The following SLC22A24 variants were observed in gnomAD, a reference collection of about 807,000 sequenced individuals.
The protein encoded by SLC22A24 is solute carrier family 22 member 24.
Under a neutral mutation model 49.8 loss-of-function variants are expected in SLC22A24, and 53 were observed. The ratio of observed to expected loss-of-function variants is 1.06; its 90% CI spans 0.85 to 1.34. The LOEUF is 1.34. SLC22A24 is among the 40% of genes most tolerant of loss of function. SLC22A24 has a pLI of 0.00. For synonymous variants in SLC22A24, 302 were observed against 256.4 expected (o/e 1.18, Z -1.70); for missense variants, 786 against 675.9 (o/e 1.16, Z -1.81).
At chr11:63,107,213 G>C (rs2087127503) in intron 4 of SLC22A24, among the ~76,000 whole-genome samples, 1 of 152,100 alleles carries the variant, frequency 6.6e-6, no homozygotes, top group Admixed American at 6.6e-5. Context: ...TCTTGTTTTT[G>C]TCAGGTTTGT....
At chr11:63,087,060 A>AGG (rs1188254533) in intron 6 of SLC22A24, among the ~76,000 whole-genome samples, 62 of 70,480 alleles carry the variant, frequency 8.8e-4, no homozygotes, top group Admixed American at 6.4e-3. Flanking sequence ...ACACACACAG[A>AGG]GGGAGAGAGA....
At chr11:63,139,542 T>C (rs1232695321) in intron 1 of SLC22A24, among the ~76,000 whole-genome samples, 3 of 152,182 alleles carry the variant, frequency 2.0e-5, no homozygotes, top group Non-Finnish European at 4.4e-5. Context: ...TGCTCTTGGC[T>C]ACCTGGAAGA....
intron 1 of SLC22A24, among the ~76,000 whole-genome samples, chr11:63,135,869 C>T (rs879436657): frequency 4.6e-5 from 7 of 152,128 alleles, no homozygotes; most frequent in African/African-American, 7.2e-5. Context: ...GAGACGAGAG[C>T]CTTGAAGATG....
At chr11:63,111,396 A>G (rs1042999090) in intron 4 of SLC22A24, among the ~76,000 whole-genome samples, 22 of 151,432 alleles carry the variant, frequency 1.5e-4, no homozygotes, top group African/African-American at 4.8e-4. Context: ...TTCTTTTTCT[A>G]TTGATTGGAA....
intron 1 of SLC22A24, among the ~76,000 whole-genome samples, chr11:63,142,735 C>T (rs2087423264): frequency 6.6e-6 from 1 of 152,002 alleles, no homozygotes; most frequent in Non-Finnish European, 1.5e-5. Context: ...CTTGTGACCC[C>T]CACTTAGGAA....
intron 2 of SLC22A24, among the ~76,000 whole-genome samples, chr11:63,125,904 A>C (rs550160207): frequency 6.6e-6 from 1 of 152,220 alleles, no homozygotes; most frequent in Non-Finnish European, 1.5e-5. Flanking sequence ...TTCTCTGATG[A>C]CTGGTGATGA....
intron 2 of SLC22A24, among the ~76,000 whole-genome samples, chr11:63,127,912 G>A (rs1430602344): frequency 6.6e-6 from 1 of 151,608 alleles, no homozygotes; most frequent in Non-Finnish European, 1.5e-5. Context: ...CCATTCTGTA[G>A]GTTGCCTGTT....
chr11:63,126,292 G>A (rs2087290385), intron 2 of SLC22A24, among the ~76,000 whole-genome samples: 1 of 152,134 alleles, frequency 6.6e-6, no homozygotes, highest in Non-Finnish European at 1.5e-5. Context: ...ATGGTTTTAG[G>A]TCTTACTTTT....
At chr11:63,094,537 A>T (rs567289240) in intron 6 of SLC22A24, among the ~76,000 whole-genome samples, 1 of 152,222 alleles carries the variant, frequency 6.6e-6, no homozygotes, top group Non-Finnish European at 1.5e-5. Flanking sequence ...CTAGTTCTAG[A>T]TCCCTGAGGA....
intron 4 of SLC22A24, among the ~76,000 whole-genome samples, chr11:63,106,961 T>A (rs1007523117): frequency 2.0e-5 from 3 of 152,218 alleles, no homozygotes; most frequent in African/African-American, 7.2e-5. Context: ...ATTATGGCTT[T>A]TTGTTGCCAT....
chr11:63,119,093 A>G lies in SLC22A24; in HGVS notation c.662-13T>C, dbSNP rs1430118217. On this transcript the variant is annotated splice_polypyrimidine_tract_variant and intron_variant, in intron 3 of 9. Transcript: ENST00000612278. ...GTCCACTCTAAGCCTGGAAGAAAACATATACATAGTAATAATTTTAGACAA... is the reference window on the plus strand; with the variant it reads ...GTCCACTCTAAGCCTGGAAGAAAACGTATACATAGTAATAATTTTAGACAA... The G allele has an allele frequency of 3.9e-6, 6 of 1,538,762 alleles. No individual in the cohort carries two copies. The highest frequency in any genetic ancestry group is 1.4e-5 in the African/African-American group (1 of 72,602).
At chr11:63,081,442 T>C in intron 8 of SLC22A24, 116 bp downstream of exon 8, 1 of 769,322 alleles carries the variant, frequency 1.3e-6, no homozygotes, top group Non-Finnish European at 2.2e-6. Flanking sequence ...ACTCTGTTCA[T>C]TTCTATTACA....
intron 4 of SLC22A24, among the ~76,000 whole-genome samples, chr11:63,112,456 A>G (rs1263489413): frequency 1.3e-5 from 2 of 152,010 alleles, no homozygotes; most frequent in Non-Finnish European, 2.9e-5. Context: ...GGGGTGTTAA[A>G]GTCTCCCATT....
At chr11:63,085,831 A>C (rs567173456) in intron 6 of SLC22A24, among the ~76,000 whole-genome samples, 1 of 152,326 alleles carries the variant, frequency 6.6e-6, no homozygotes, top group Admixed American at 6.5e-5. Flanking sequence ...AAAACCAATG[A>C]TTATTCTCCC....
At chr11:63,083,486 AT>A in intron 6 of SLC22A24, 29 bp from the exon 7 acceptor site, 1 of 1,495,702 alleles carries the variant, frequency 6.7e-7, no homozygotes, top group Non-Finnish European at 9.1e-7. Context: ...ACAAAGACAT[AT>A]TCAATAAGAT....
intron 5 of SLC22A24, among the ~76,000 whole-genome samples, chr11:63,098,602 G>T (rs565241239): frequency 3.3e-5 from 5 of 152,228 alleles, no homozygotes; most frequent in South Asian, 2.1e-4. Context: ...GCTGAAGGTT[G>T]CAGTAAGCCA....
At chr11:63,088,293 G>A (rs929632488) in intron 6 of SLC22A24, among the ~76,000 whole-genome samples, 5 of 152,198 alleles carry the variant, frequency 3.3e-5, no homozygotes, top group African/African-American at 9.7e-5. Context: ...AGGGTCTGGA[G>A]TGGACCTCAA....
intron 2 of SLC22A24, among the ~76,000 whole-genome samples, chr11:63,128,428 A>T (rs923620479): frequency 6.6e-6 from 1 of 151,848 alleles, no homozygotes; most frequent in Non-Finnish European, 1.5e-5. Flanking sequence ...TCCCTGGGGG[A>T]GTTAGAGAAG....
chr11:63,118,947 C>T lies in SLC22A24; in HGVS notation c.795G>A (p.Val265=), dbSNP rs761445748. Residue 265 remains valine, a synonymous_variant, in exon 4 of 10, where the codon GTG becomes GTA. Coordinates refer to ENST00000612278, the MANE Select transcript of SLC22A24 (RefSeq NM_001136506.2). ...IQDWHILQLT[V]STPIIVLFLS... ...AGAAGAGGACAATTATGGGTGTAGA[C>T]ACAGTCAGTTGCAATATGTGCCAGT... is the stretch of plus-strand genomic sequence containing the variant. The T allele has an allele frequency of 2.6e-6, 4 of 1,551,888 alleles. No homozygotes were observed. The Admixed American group carries it at 7.8e-5, about 30-fold the overall frequency.
Sources: allele counts gnomAD v4.1 joint callset (sites outside exome capture counted in the v4.1 genomes callset), GRCh38; gene constraint gnomAD v4.1.1; transcripts MANE v1.5; gene names NCBI Gene and HGNC (gene_info 2026-07-23, HGNC 2026-07-21).